RBM46: variants seen among roughly 807,000 people sequenced by gnomAD.
RBM46 encodes the protein RNA binding motif protein 46, also known as probable RNA-binding protein 46.
In RBM46, 12 loss-of-function variants were observed where a neutral mutation model predicts 43.3. The ratio of observed to expected loss-of-function variants is 0.28; its 90% CI spans 0.18 to 0.45. The LOEUF (loss-of-function observed/expected upper bound fraction) is 0.45, where lower values mean the gene tolerates loss of function less well. Ranked by LOEUF, RBM46 falls within the 20% of genes least tolerant of loss-of-function variation. The pLI, the probability that RBM46 is intolerant of heterozygous loss-of-function variation, is 1.00. For synonymous variants in RBM46, 205 were observed against 207.6 expected (o/e 0.99, Z 0.11); for missense variants, 412 against 639.1 (o/e 0.64, Z 3.83).
At chr4:154,823,574 C>T (rs1285074718) in intron 4 of RBM46, among the ~76,000 whole-genome samples, 2 of 151,930 alleles carry the variant, frequency 1.3e-5, no homozygotes, top group Admixed American at 6.6e-5. Context: ...GGGTTTTCCT[C>T]ATCTTTAAGA....
intron 1 of RBM46, among the ~76,000 whole-genome samples, chr4:154,790,770 C>T (rs955581612): frequency 3.9e-5 from 6 of 151,994 alleles, no homozygotes; most frequent in African/African-American, 9.7e-5. Flanking sequence ...CTTGGAAAAG[C>T]GGGAAAAATT....
In RBM46 at chr4:154,798,310, A is replaced by G. The variant is rs779769006; in HGVS notation, c.619+32A>G. 9 of 1,329,608 alleles carry G rather than the reference A, an allele frequency of 6.8e-6. No individual in the cohort carries two copies. In the East Asian group the frequency reaches 1.4e-4, roughly 20 times the overall value. The allele number at this position is 1,329,608 out of a possible 1,614,324, so 82.4% of individuals were successfully genotyped here. On this transcript the variant is annotated intron_variant, in intron 3 of 4. Transcript: ENST00000281722. ...TGAAAGGTTGTTTTTCAATATTAAC[A>G]TTATTACAAATATGGAGAGATGATA... is the stretch of plus-strand genomic sequence containing the variant.
At chr4:154,786,098 G>GT (rs976652349) in intron 1 of RBM46, among the ~76,000 whole-genome samples, 4 of 152,140 alleles carry the variant, frequency 2.6e-5, no homozygotes, top group East Asian at 1.9e-4. Flanking sequence ...CTTATCTTCT[G>GT]TTTTTTGAGA....
At chr4:154,788,962 A>G (rs1352841642) in intron 1 of RBM46, among the ~76,000 whole-genome samples, 4 of 152,060 alleles carry the variant, frequency 2.6e-5, no homozygotes, top group African/African-American at 9.7e-5. Flanking sequence ...ATTGCTTCAC[A>G]TGATTTGGCT....
At chr4:154,815,050 C>T (rs958475002) in intron 4 of RBM46, among the ~76,000 whole-genome samples, 2 of 151,982 alleles carry the variant, frequency 1.3e-5, no homozygotes, top group African/African-American at 4.8e-5. Flanking sequence ...GGCCACTCCT[C>T]TGACTTATTC....
chr4:154,820,462 G>C, intron 4 of RBM46: 3 of 1,108,052 alleles, frequency 2.7e-6, no homozygotes, highest in Non-Finnish European at 3.8e-6. Context: ...GGAATATTAA[G>C]TAATATATTT....
chr4:154,813,329 A>C (rs960998079), intron 4 of RBM46, among the ~76,000 whole-genome samples: 1 of 152,154 alleles, frequency 6.6e-6, no homozygotes, highest in Admixed American at 6.5e-5. Context: ...AATTTTTAAC[A>C]TGCTAATGTT....
chr4:154,789,586 G>T (rs1037327771), intron 1 of RBM46, among the ~76,000 whole-genome samples: 6 of 152,138 alleles, frequency 3.9e-5, no homozygotes, highest in Admixed American at 2.0e-4. Context: ...CAGTATTTTA[G>T]TGAGGATTTT....
chr4:154,827,232 T>A, intron 4 of RBM46: 1 of 913,876 alleles, frequency 1.1e-6, no homozygotes, highest in Non-Finnish European at 1.3e-6. Context: ...GATAATGGTT[T>A]TTTGAAGTAA....
chr4:154,818,293 C>A (rs1381186891), intron 4 of RBM46, among the ~76,000 whole-genome samples: 1 of 152,074 alleles, frequency 6.6e-6, no homozygotes, highest in Non-Finnish European at 1.5e-5. Flanking sequence ...GACAAATTAT[C>A]TCTATTTTCA....
intron 4 of RBM46, among the ~76,000 whole-genome samples, chr4:154,804,814 G>GTTTTTT (rs575968520): frequency 1.8e-5 from 2 of 113,244 alleles, no homozygotes; most frequent in African/African-American, 3.1e-5. Context: ...GATTAAGGTT[G>GTTTTTT]TTTTTTTTTT....
rs77882831 is a variant in RBM46, at chr4:154,828,201, C to T, written c.*134C>T. On this transcript the variant is annotated 3_prime_UTR_variant, in exon 5 of 5. Transcript: ENST00000281722. ...AAGGTATTTATTCCAAAGTACTAAA[C>T]ATCAGCTATAATTCAGAATAACATG... The T allele has an allele frequency of 1.8e-3, 1,203 of 655,048 alleles. 16 individuals are homozygous for T. The African/African-American group carries it at 0.02, about 11-fold the overall frequency. 40.6% of individuals were successfully genotyped at this position (655,048 alleles called of 1,614,324 possible).
chr4:154,810,313 T>C (rs1735114829), intron 4 of RBM46, among the ~76,000 whole-genome samples: 1 of 152,136 alleles, frequency 6.6e-6, no homozygotes, highest in Non-Finnish European at 1.5e-5. Flanking sequence ...TAAATAATTT[T>C]ATTATACTCA....
intron 4 of RBM46, among the ~76,000 whole-genome samples, chr4:154,818,341 A>C (rs991873069): frequency 2.0e-5 from 3 of 152,026 alleles, no homozygotes; most frequent in African/African-American, 7.2e-5. Context: ...TGCCATTTGA[A>C]AGGTTATTTT....
chr4:154,818,985 C>T (rs1735597939), intron 4 of RBM46, among the ~76,000 whole-genome samples: 1 of 152,094 alleles, frequency 6.6e-6, no homozygotes, highest in African/African-American at 2.4e-5. Context: ...TATTTCAATA[C>T]TCAGTTCTGA....
intron 4 of RBM46, among the ~76,000 whole-genome samples, chr4:154,802,150 A>G (rs1178934577): frequency 6.6e-6 from 1 of 152,238 alleles, no homozygotes; most frequent in East Asian, 1.9e-4. Context: ...GGTCTTGTCT[A>G]TGGACAGTAA....
At chr4:154,786,039 T>A (rs1012439504) in intron 1 of RBM46, among the ~76,000 whole-genome samples, 2 of 152,206 alleles carry the variant, frequency 1.3e-5, no homozygotes, top group African/African-American at 2.4e-5. Flanking sequence ...TAGAAAAATA[T>A]TGAATTTTTT....
intron 4 of RBM46, among the ~76,000 whole-genome samples, chr4:154,807,436 A>G (rs1280207958): frequency 1.3e-5 from 2 of 151,586 alleles, no homozygotes; most frequent in Non-Finnish European, 3.0e-5. Context: ...TTTAATATTT[A>G]GTAGACAATT....
intron 1 of RBM46, chr4:154,782,078 GT>G (rs1733510547): frequency 1.3e-5 from 2 of 152,532 alleles, no homozygotes; most frequent in South Asian, 2.1e-4. Context: ...CGAGTACCTC[GT>G]GTGTGCTGGG....
Sources: gnomAD v4.1 joint callset for allele counts (sites outside exome capture counted in the v4.1 genomes callset) on GRCh38, gnomAD v4.1.1 for gene constraint, MANE v1.5 for transcripts, NCBI Gene and HGNC (gene_info 2026-07-23, HGNC 2026-07-21) for gene names.